MAST4: variants seen among roughly 807,000 people sequenced by gnomAD.
The protein encoded by MAST4 is microtubule associated serine/threonine kinase family member 4.
A neutral mutation model predicts 162.7 loss-of-function variants in MAST4; 89 were observed. That is an observed-to-expected ratio of 0.55 (90% CI 0.46 to 0.65). MAST4 has a LOEUF of 0.65. MAST4 is among the 30% of genes least tolerant of loss of function. The pLI is 0.00. For synonymous variants in MAST4, 1,479 were observed against 1,361.1 expected (o/e 1.09, Z -1.91); for missense variants, 3,153 against 3,374.0 (o/e 0.93, Z 1.62).
At chr5:66,926,620 A>G (rs529587464) in intron 4 of MAST4, among the ~76,000 whole-genome samples, 1 of 151,528 alleles carries the variant, frequency 6.6e-6, no homozygotes, top group Non-Finnish European at 1.5e-5. Flanking sequence ...ATATGTATAT[A>G]TGTGTGTATA....
At chr5:67,039,749 G>A (rs1756489012) in intron 4 of MAST4, among the ~76,000 whole-genome samples, 1 of 152,092 alleles carries the variant, frequency 6.6e-6, no homozygotes, top group African/African-American at 2.4e-5. Flanking sequence ...ACAATTTAGT[G>A]AGGCCTCTTT....
Position 67,166,401 on chromosome 5 carries a change from G to A in MAST4, c.7222G>A (p.Ala2408Thr). The change falls in exon 29 of 29, where the codon GCG becomes ACG. Residue 2408 changes from alanine to threonine, a missense_variant. Transcript: ENST00000403625. ...NRLKGAERPA[A>T]GVGKGFPEAR... ...GTTGAAAGGCGCGGAGCGGCCAGCC[G>A]CGGGGGTGGGGAAGGGCTTCCCTGA... 1 of 1,610,290 alleles carries A rather than the reference G, an allele frequency of 6.2e-7. No individual in the cohort carries two copies. Among genetic ancestry groups the A allele is most frequent in the Non-Finnish European group, 8.5e-7 (1 of 1,178,236 alleles).
chr5:66,647,834 G>C (rs932391002), intron 1 of MAST4, among the ~76,000 whole-genome samples: 3 of 152,058 alleles, frequency 2.0e-5, no homozygotes, highest in African/African-American at 7.2e-5. Flanking sequence ...TACTCTTATT[G>C]CCTTAAACAT....
Position 66,828,775 on chromosome 5 carries a change from C to T in MAST4, c.642+39981C>T, listed in dbSNP as rs576839103. ...TAGCAGCTGCCGGGCTCTGAATTAG[C>T]GTGCTGAAGTAGAGGTAGTACAGCA... On this transcript the variant is annotated intron_variant, in intron 3 of 28. Coordinates refer to ENST00000403625, the MANE Select transcript of MAST4 (RefSeq NM_001164664.2). 89 of 1,573,086 alleles carry T rather than the reference C, an allele frequency of 5.7e-5. 1 individual carries two copies. In the South Asian group the frequency reaches 9.0e-4, roughly 16 times the overall value.
At chr5:66,671,129 A>AT (rs1196163216) in intron 1 of MAST4, among the ~76,000 whole-genome samples, 3 of 152,150 alleles carry the variant, frequency 2.0e-5, no homozygotes, top group Non-Finnish European at 2.9e-5. Flanking sequence ...CAGTTTTTGT[A>AT]TTTTTTTAAA....
chr5:67,009,637 A>G (rs1453462111), intron 4 of MAST4, among the ~76,000 whole-genome samples: 2 of 152,228 alleles, frequency 1.3e-5, no homozygotes, highest in African/African-American at 4.8e-5. Context: ...AATTCTCAAT[A>G]AATTTTAGCT....
intron 5 of MAST4, among the ~76,000 whole-genome samples, chr5:67,071,877 T>C (rs950234069): frequency 6.6e-6 from 1 of 152,150 alleles, no homozygotes; most frequent in African/African-American, 2.4e-5. Flanking sequence ...AAAAAGATAC[T>C]TTAAAATGTA....
rs1208172907 is a variant in MAST4 at position 66,739,652 on chromosome 5, G to A, written c.364-20057G>A. 3.3e-5 allele frequency among the ~76,000 whole-genome samples: 5 copies of A among 152,264 alleles called. No homozygotes were observed. In the East Asian group the frequency reaches 9.6e-4, roughly 29 times the overall value. On this transcript the variant is annotated intron_variant, in intron 1 of 28. Transcript: ENST00000403625. ...TATTCCTGTGACACGTATACCGGATGTTAAATATGTCAAACCTTTTGCTCA... is the reference window on the plus strand; with the variant it reads ...TATTCCTGTGACACGTATACCGGATATTAAATATGTCAAACCTTTTGCTCA...
intron 3 of MAST4, among the ~76,000 whole-genome samples, chr5:66,873,136 C>T (rs1034391591): frequency 1.3e-5 from 2 of 152,150 alleles, no homozygotes; most frequent in East Asian, 1.9e-4. Flanking sequence ...CTTAATGTGC[C>T]GTGTGAATTG....
chr5:67,057,236 T>C (rs991595118), intron 5 of MAST4, among the ~76,000 whole-genome samples: 1 of 152,216 alleles, frequency 6.6e-6, no homozygotes, highest in African/African-American at 2.4e-5. Context: ...TCTGTTGCTA[T>C]GTTCTCTATC....
intron 3 of MAST4, among the ~76,000 whole-genome samples, chr5:66,790,104 A>C (rs939301965): frequency 3.5e-5 from 5 of 142,088 alleles, no homozygotes; most frequent in African/African-American, 1.3e-4. Flanking sequence ...GGGTTGTATG[A>C]TATGGAAATA....
intron 4 of MAST4, among the ~76,000 whole-genome samples, chr5:67,014,034 CTT>C (rs1278387909): frequency 6.6e-6 from 1 of 151,850 alleles, no homozygotes; most frequent in Non-Finnish European, 1.5e-5. Flanking sequence ...AAATCAAAGA[CTT>C]TTCCAAATAG....
chr5:67,033,427 G>A (rs1755627231), intron 4 of MAST4, among the ~76,000 whole-genome samples: 1 of 148,628 alleles, frequency 6.7e-6, no homozygotes, highest in Non-Finnish European at 1.5e-5. Context: ...GTCAAGCTGA[G>A]CTAGTTTGGC....
At chr5:66,614,032 T>C (rs143824991) in intron 1 of MAST4, among the ~76,000 whole-genome samples, 1,772 of 152,268 alleles carry the variant, frequency 0.012, 28 homozygotes, top group African/African-American at 0.04. Flanking sequence ...GTTTATAGCA[T>C]GAATGGGGAA....
At chr5:66,760,043 C>G (rs535490002) in intron 2 of MAST4, among the ~76,000 whole-genome samples, 181 bp downstream of exon 2, 7 of 152,076 alleles carry the variant, frequency 4.6e-5, no homozygotes, top group African/African-American at 1.7e-4. Context: ...ATAAACTTTG[C>G]TGAAATATAA....
chr5:66,973,929 C>A (rs1287691101), intron 4 of MAST4, among the ~76,000 whole-genome samples: 2 of 152,162 alleles, frequency 1.3e-5, no homozygotes, highest in African/African-American at 4.8e-5. Context: ...AGCAGAAGCT[C>A]TTTAAGCTGG....
intron 3 of MAST4, among the ~76,000 whole-genome samples, chr5:66,890,524 T>C (rs1762302182): frequency 6.6e-6 from 1 of 152,244 alleles, no homozygotes; most frequent in Non-Finnish European, 1.5e-5. Context: ...CTTCTTCTGC[T>C]TTAAAAGGTC....
At chr5:67,099,804 A>G (rs1245892360) in intron 7 of MAST4, among the ~76,000 whole-genome samples, 1 of 149,968 alleles carries the variant, frequency 6.7e-6, no homozygotes, top group Non-Finnish European at 1.5e-5. Flanking sequence ...ATTCACCACC[A>G]CTTGAAGGTT....
intron 12 of MAST4, among the ~76,000 whole-genome samples, chr5:67,115,454 T>A (rs762555283): frequency 6.6e-6 from 1 of 152,228 alleles, no homozygotes; most frequent in Non-Finnish European, 1.5e-5. Context: ...GGCCATCGTA[T>A]CTTTGCTTCC....
Sources: allele counts gnomAD v4.1 joint callset (sites outside exome capture counted in the v4.1 genomes callset), GRCh38; gene constraint gnomAD v4.1.1; transcripts MANE v1.5; gene names NCBI Gene and HGNC (gene_info 2026-07-23, HGNC 2026-07-21).